The following KIAA1217 variants were observed in gnomAD, a reference collection of about 807,000 sequenced individuals.
KIAA1217 encodes sickle tail protein homolog.
A neutral mutation model predicts 163.9 loss-of-function variants in KIAA1217; 88 were observed. The ratio of observed to expected loss-of-function variants is 0.54; its 90% CI spans 0.45 to 0.64. The LOEUF (loss-of-function observed/expected upper bound fraction) is 0.64. Ranked by LOEUF, KIAA1217 falls within the 30% of genes least tolerant of loss-of-function variation. The pLI, the probability that KIAA1217 is intolerant of heterozygous loss-of-function variation, is 0.00. For missense variants in KIAA1217, 2,372 were observed against 2,475.0 expected (o/e 0.96, Z 0.88); for synonymous variants, 903 against 923.1 (o/e 0.98, Z 0.39).
intron 1 of KIAA1217, among the ~76,000 whole-genome samples, chr10:23,977,241 T>G (rs1845579272): frequency 2.0e-5 from 3 of 152,200 alleles, no homozygotes; most frequent in Admixed American, 6.5e-5. Context: ...ACTTCTTTAA[T>G]GAATAAAGTG....
At position 24,449,874 on chromosome 10, in the gene KIAA1217, G is replaced by A. The variant is rs1192145708; in HGVS notation, c.846+11395G>A. On this transcript the variant is annotated intron_variant, in intron 5 of 20. Coordinates refer to ENST00000376454, the MANE Select transcript of KIAA1217 (RefSeq NM_019590.5). ...TCTGTATTCAAGTTCAATGCAATAGGCGATTGCAATTTTAGGTTTTATTTT... is the reference window on the plus strand; with the variant it reads ...TCTGTATTCAAGTTCAATGCAATAGACGATTGCAATTTTAGGTTTTATTTT... The A allele has an allele frequency of 7.8e-6, 3 of 384,724 alleles. No individual in the cohort carries two copies. The South Asian group carries it at 3.2e-4, about 41-fold the overall frequency. 23.8% of individuals were successfully genotyped at this position (384,724 alleles called of 1,614,324 possible). A position where few individuals can be genotyped will look rare whatever the true frequency, so the allele number is the denominator to read the frequency against.
At chr10:24,284,877 T>A (rs2132305407) in intron 2 of KIAA1217, among the ~76,000 whole-genome samples, 1 of 152,332 alleles carries the variant, frequency 6.6e-6, no homozygotes, top group Non-Finnish European at 1.5e-5. Context: ...AGTGTTCCCT[T>A]TTTTCCACAG....
intron 1 of KIAA1217, among the ~76,000 whole-genome samples, chr10:23,746,788 G>A (rs536636001): frequency 6.6e-6 from 1 of 152,190 alleles, no homozygotes; most frequent in East Asian, 1.9e-4. Context: ...GGGCAGAGGT[G>A]TGTATGCACC....
intron 1 of KIAA1217, among the ~76,000 whole-genome samples, chr10:23,772,161 C>T (rs924574795): frequency 5.5e-4 from 83 of 152,104 alleles, no homozygotes; most frequent in African/African-American, 1.9e-3. Context: ...AATCTCAAAG[C>T]TGGCTGGCAA....
At chr10:24,283,224 C>T (rs941296738) in intron 2 of KIAA1217, among the ~76,000 whole-genome samples, 1 of 152,088 alleles carries the variant, frequency 6.6e-6, no homozygotes, top group African/African-American at 2.4e-5. Flanking sequence ...ATCTATATTT[C>T]CTTCTTTCTT....
At chr10:24,262,367 C>T (rs906378515) in intron 2 of KIAA1217, among the ~76,000 whole-genome samples, 6 of 151,996 alleles carry the variant, frequency 3.9e-5, no homozygotes, top group Non-Finnish European at 7.4e-5. Flanking sequence ...GTGGCTCACA[C>T]CTGTAATCCC....
chr10:23,794,246 C>T (rs746265657), intron 1 of KIAA1217, among the ~76,000 whole-genome samples: 14 of 152,160 alleles, frequency 9.2e-5, no homozygotes, highest in Non-Finnish European at 4.4e-5. Flanking sequence ...TCACTGATAT[C>T]ACTAATCATA....
intron 1 of KIAA1217, among the ~76,000 whole-genome samples, chr10:23,987,201 C>T (rs1290433616): frequency 6.6e-6 from 1 of 151,776 alleles, no homozygotes; most frequent in Admixed American, 6.6e-5. Flanking sequence ...CATGGTGAAA[C>T]CCTGTCTCTA....
chr10:24,307,426 C>T (rs2042124288), intron 2 of KIAA1217, among the ~76,000 whole-genome samples: 1 of 152,140 alleles, frequency 6.6e-6, no homozygotes, highest in African/African-American at 2.4e-5. Flanking sequence ...GTGGAAACAG[C>T]CTTCGTGTAC....
intron 2 of KIAA1217, among the ~76,000 whole-genome samples, chr10:24,323,184 G>A (rs753472317): frequency 4.6e-5 from 7 of 151,982 alleles, no homozygotes; most frequent in African/African-American, 9.7e-5. Flanking sequence ...TTGAACTCCC[G>A]ACCTCAAGTG....
At chr10:23,805,566 A>G (rs1836695009) in intron 1 of KIAA1217, among the ~76,000 whole-genome samples, 1 of 152,146 alleles carries the variant, frequency 6.6e-6, no homozygotes, top group Non-Finnish European at 1.5e-5. Flanking sequence ...GAAAAATAAC[A>G]AATGGATACT....
At chr10:23,807,094 A>G (rs550582298) in intron 1 of KIAA1217, among the ~76,000 whole-genome samples, 3 of 152,360 alleles carry the variant, frequency 2.0e-5, no homozygotes, top group South Asian at 4.1e-4. Context: ...TGAGGATTTA[A>G]TGAACTTCAG....
chr10:23,923,310 T>G (rs1242997048), intron 1 of KIAA1217, among the ~76,000 whole-genome samples: 1 of 152,188 alleles, frequency 6.6e-6, no homozygotes. Flanking sequence ...TAAACATGTG[T>G]GTACAAGTGT....
intron 2 of KIAA1217, among the ~76,000 whole-genome samples, chr10:24,372,085 AC>A (rs2051736999): frequency 1.3e-5 from 2 of 152,182 alleles, no homozygotes; most frequent in South Asian, 4.2e-4. Context: ...AGGGTTGAAA[AC>A]CCATTGAATA....
intron 1 of KIAA1217, among the ~76,000 whole-genome samples, chr10:23,862,639 G>A (rs931047502): frequency 6.6e-6 from 1 of 152,192 alleles, no homozygotes; most frequent in East Asian, 1.9e-4. Flanking sequence ...AGAAGTTCAG[G>A]TTGTAAAGAT....
At chr10:24,009,570 G>T (rs1199048695) in intron 2 of KIAA1217, among the ~76,000 whole-genome samples, 1 of 152,140 alleles carries the variant, frequency 6.6e-6, no homozygotes, top group African/African-American at 2.4e-5. Context: ...CATGTCACAT[G>T]CTGTGCAGTG....
At chr10:24,169,276 C>T (rs2065503120) in intron 2 of KIAA1217, among the ~76,000 whole-genome samples, 1 of 152,212 alleles carries the variant, frequency 6.6e-6, no homozygotes, top group South Asian at 2.1e-4. Flanking sequence ...GTTTATGAGG[C>T]CTCAATGGTT....
At position 24,078,877 on chromosome 10, in the gene KIAA1217, C is replaced by T. The variant is rs528493455; in HGVS notation, c.-171+71503C>T. On this transcript the variant is annotated intron_variant, in intron 2 of 18. Coordinates refer to the KIAA1217 transcript ENST00000376462. Reference sequence around the variant, plus strand: ...GCAATGCCCCCACATCCTTCAAATCCTCCTTCTGTTTAAACCAGCGCAAGT... The same window carrying T: ...GCAATGCCCCCACATCCTTCAAATCTTCCTTCTGTTTAAACCAGCGCAAGT... 2.9e-4 allele frequency among the ~76,000 whole-genome samples: 44 copies of T among 152,306 alleles called. No homozygotes were observed. In the South Asian group the frequency reaches 8.5e-3, roughly 29 times the overall value.
intron 2 of KIAA1217, among the ~76,000 whole-genome samples, chr10:24,065,248 T>C (rs1269208243): frequency 1.3e-5 from 2 of 152,356 alleles, no homozygotes; most frequent in Admixed American, 6.5e-5. Context: ...GTGTCAATTT[T>C]AGATCTTTCC....
Sources: allele counts gnomAD v4.1 joint callset (sites outside exome capture counted in the v4.1 genomes callset), GRCh38; gene constraint gnomAD v4.1.1; transcripts MANE v1.5; gene names NCBI Gene and HGNC (gene_info 2026-07-23, HGNC 2026-07-21).